Variants in ALPK3 observed in about 807,000 individuals in gnomAD.
ALPK3 encodes alpha-protein kinase 3.
A neutral mutation model predicts 140.0 loss-of-function variants in ALPK3; 102 were observed. The ratio of observed to expected loss-of-function variants is 0.73; its 90% CI spans 0.62 to 0.86. The LOEUF (loss-of-function observed/expected upper bound fraction) is 0.86. Among genes scored for constraint, ALPK3 ranks in the 40% least tolerant of loss-of-function variants. The pLI is 0.00. For synonymous variants in ALPK3, 938 were observed against 898.5 expected (o/e 1.04, Z -0.79); for missense variants, 2,254 against 2,208.2 (o/e 1.02, Z -0.42).
intron 5 of ALPK3, among the ~76,000 whole-genome samples, chr15:84,844,651 GT>G (rs1398116177): frequency 1.3e-5 from 2 of 152,188 alleles, no homozygotes; most frequent in Non-Finnish European, 2.9e-5. Context: ...GAGGTCAGGA[GT>G]TCGAGACTAG....
intron 3 of ALPK3, among the ~76,000 whole-genome samples, chr15:84,828,684 A>G (rs1963514580): frequency 6.6e-6 from 1 of 152,214 alleles, no homozygotes; most frequent in Non-Finnish European, 1.5e-5. Context: ...TGTGCATCCC[A>G]TACCTTTGTA....
Position 84,868,476 on chromosome 15 carries a change from C to T in ALPK3, c.*20C>T, listed in dbSNP as rs1276700705. ...CGGTAGCCTCCGCAGAGGCTGGGGG[C>T]CTCCACCCAGCAGCAGACCAACCAG... On this transcript the variant is annotated 3_prime_UTR_variant, in exon 14 of 14. Transcript: ENST00000258888. The T allele has an allele frequency of 6.3e-7, 1 of 1,583,802 alleles. No homozygotes were observed. The highest frequency in any genetic ancestry group is 8.5e-7 in the Non-Finnish European group (1 of 1,169,636).
At chr15:84,818,998 C>T (rs1963394246) in intron 1 of ALPK3, among the ~76,000 whole-genome samples, 2 of 152,128 alleles carry the variant, frequency 1.3e-5, no homozygotes, top group African/African-American at 2.4e-5. Context: ...GTGGAACAAA[C>T]AGAAGAGGCG....
At chr15:84,848,968 C>A (rs150636177) in intron 5 of ALPK3, among the ~76,000 whole-genome samples, 1 of 152,070 alleles carries the variant, frequency 6.6e-6, no homozygotes, top group African/African-American at 2.4e-5. Context: ...ATGGAGAAAA[C>A]CCATCTCTAC....
chr15:84,841,061 GC>G, intron 5 of ALPK3, 129 bp downstream of exon 5: 1 of 1,284,422 alleles, frequency 7.8e-7, no homozygotes, highest in Non-Finnish European at 1.0e-6. Context: ...GGACTGGAGT[GC>G]CAGCTACAGG....
rs774126835 is a variant in ALPK3, at chr15:84,839,983, C to T, written c.704C>T (p.Pro235Leu). The T allele has an allele frequency of 9.9e-6, 16 of 1,612,846 alleles. No individual in the cohort carries two copies. In the Admixed American group the frequency reaches 1.3e-4, roughly 13 times the overall value. ...RRLSGAQAPGPSVPTREPEGG... is the reference protein window; with the variant it reads ...RRLSGAQAPGLSVPTREPEGG... ...TTGAGCGGGGCTCAAGCGCCGGGCC[C>T]CTCGGTCCCTACCAGGGAGCCTGAG... is the stretch of plus-strand genomic sequence containing the variant. The change falls in exon 5 of 14, where the codon CCC becomes CTC. Residue 235 changes from proline (P) to leucine (L), a missense_variant. Pro to Leu is a moderately conservative substitution (Grantham distance 98). Around this residue, in one of 3 missense-constraint regions of ALPK3, gnomAD observed 2,088 missense variants for 2,022.9 expected, o/e 1.03. Coordinates refer to ENST00000258888, the MANE Select transcript of ALPK3 (RefSeq NM_020778.5).
At position 84,817,386 on chromosome 15, in the gene ALPK3, G is replaced by A; in HGVS notation, c.-67G>A. 1 of 1,220,306 alleles carries A rather than the reference G, an allele frequency of 8.2e-7. No individual in the cohort carries two copies. Among genetic ancestry groups the A allele is most frequent in the Non-Finnish European group, 1.0e-6 (1 of 982,188 alleles). The allele number at this position is 1,220,306 out of a possible 1,614,324, so 75.6% of individuals were successfully genotyped here. ...CGGCGGCGGCGGGCAGGGGCCCGGGGGCCGGGGCCTGGAGGACAGGCGAGG... is the reference window on the plus strand; with the variant it reads ...CGGCGGCGGCGGGCAGGGGCCCGGGAGCCGGGGCCTGGAGGACAGGCGAGG... On this transcript the variant is annotated 5_prime_UTR_variant, in exon 1 of 14. Transcript: ENST00000258888.
At chr15:84,856,338 A>G in intron 5 of ALPK3, 54 bp from the exon 6 acceptor site, 2 of 1,535,354 alleles carry the variant, frequency 1.3e-6, no homozygotes, top group East Asian at 4.5e-5. Flanking sequence ...CAGACTGGAA[A>G]GAGATCTGAA....
intron 1 of ALPK3, 86 bp from the exon 2 acceptor site, chr15:84,823,244 G>T (rs1963447219): frequency 6.7e-7 from 1 of 1,486,426 alleles, no homozygotes; most frequent in Admixed American, 1.7e-5. Flanking sequence ...CCAGATGGTG[G>T]CCGATTAATA....
chr15:84,850,761 A>C (rs1963792415), intron 5 of ALPK3, among the ~76,000 whole-genome samples: 1 of 152,012 alleles, frequency 6.6e-6, no homozygotes, highest in Admixed American at 6.6e-5. Flanking sequence ...TAAACCTCCT[A>C]ATATCCCTTG....
intron 3 of ALPK3, among the ~76,000 whole-genome samples, chr15:84,829,048 C>A (rs1963518178): frequency 6.6e-6 from 1 of 152,202 alleles, no homozygotes; most frequent in Non-Finnish European, 1.5e-5. Flanking sequence ...AATATATGCA[C>A]ATAATTAAGA....
Position 84,857,478 on chromosome 15 carries a change from C to G in ALPK3, c.2740C>G (p.Leu914Val), listed in dbSNP as rs1374593741. 6.2e-7 allele frequency: 1 copy of G among 1,607,602 alleles called. No homozygotes were observed. Among genetic ancestry groups the G allele is most frequent in the South Asian group, 1.1e-5 (1 of 90,326 alleles). ...GATGAGTTCTGCCCCAACACTGCAC[C>G]TGGGGCTGGGGACCCCCACTCAGAG... Reference protein sequence around the residue: ...VLMSSAPTLHLGLGTPTQSHP... With the variant: ...VLMSSAPTLHVGLGTPTQSHP... The change falls in exon 6 of 14, where the codon CTG (leucine) becomes GTG (valine). Residue 914 changes from leucine (L) to valine (V), a missense_variant. Leu to Val is a conservative substitution (Grantham distance 32). Coordinates refer to ENST00000258888, the MANE Select transcript of ALPK3 (RefSeq NM_020778.5).
intron 3 of ALPK3, among the ~76,000 whole-genome samples, chr15:84,830,154 C>T (rs1963530803): frequency 6.6e-6 from 1 of 151,952 alleles, no homozygotes; most frequent in South Asian, 2.1e-4. Context: ...TTTCTTATAC[C>T]TCCTAATAGC....
intron 9 of ALPK3, among the ~76,000 whole-genome samples, chr15:84,860,517 G>A (rs1040943028): frequency 3.9e-4 from 60 of 152,108 alleles, no homozygotes; most frequent in African/African-American, 1.4e-3. Flanking sequence ...TTTTCAGCAG[G>A]CCCCCTGGTG....
At chr15:84,864,364 A>G (rs556842478) in intron 11 of ALPK3, 78 bp from the exon 12 acceptor site, 12 of 1,449,718 alleles carry the variant, frequency 8.3e-6, no homozygotes, top group Middle Eastern at 3.6e-4. Context: ...TTTTAGGTCC[A>G]AGAATACAGA....
rs1010104184 is a variant in ALPK3 at position 84,871,806 on chromosome 15, C to T, written c.*3350C>T. 3 of 152,338 alleles carry T rather than the reference C, an allele frequency of 2.0e-5. No homozygotes were observed. The highest frequency in any genetic ancestry group is 2.1e-4 in the South Asian group (1 of 4,828). The allele number at this position is 152,338 out of a possible 1,614,324, so 9.4% of individuals were successfully genotyped here. A position where few individuals can be genotyped will look rare whatever the true frequency, so the allele number is the denominator to read the frequency against. On this transcript the variant is annotated 3_prime_UTR_variant, in exon 14 of 14. Transcript: ENST00000258888. Reference sequence around the variant, plus strand: ...ATGAGTGAATGCCTGCCCATCAACCCGTTACTATTCTTTTAGCTGTAAAGT... The same window carrying T: ...ATGAGTGAATGCCTGCCCATCAACCTGTTACTATTCTTTTAGCTGTAAAGT...
chr15:84,851,622 A>T (rs954978043), intron 5 of ALPK3, among the ~76,000 whole-genome samples: 6 of 152,140 alleles, frequency 3.9e-5, no homozygotes, highest in Admixed American at 3.9e-4. Context: ...ACATTTGAAA[A>T]TACGTGTGTG....
Position 84,863,566 on chromosome 15 carries a change from G to T in ALPK3, c.4425G>T (p.Gln1475His). Residue 1475 changes from glutamine (Q) to histidine (H), a missense_variant, in exon 11 of 14, where the codon CAG (glutamine) becomes CAT (histidine). By Grantham distance (24) the Gln-to-His change is conservative. Around this residue, in one of 3 missense-constraint regions of ALPK3, gnomAD observed 2,088 missense variants for 2,022.9 expected, o/e 1.03. Coordinates refer to ENST00000258888, the MANE Select transcript of ALPK3 (RefSeq NM_020778.5). ...CTCATCCACAGGGGTGCAAGATCCAGAACATGAGTCGGGAGTACTGCAAAA... is the reference window on the plus strand; with the variant it reads ...CTCATCCACAGGGGTGCAAGATCCATAACATGAGTCGGGAGTACTGCAAAA... ...YDVTIQGCKIQNMSREYCKIF... is the reference protein window; with the variant it reads ...YDVTIQGCKIHNMSREYCKIF... 6.2e-7 allele frequency: 1 copy of T among 1,614,018 alleles called. No homozygotes were observed. The highest frequency in any genetic ancestry group is 1.1e-5 in the South Asian group (1 of 91,058).
At chr15:84,849,763 A>G (rs1325983306) in intron 5 of ALPK3, among the ~76,000 whole-genome samples, 1 of 152,172 alleles carries the variant, frequency 6.6e-6, no homozygotes, top group African/African-American at 2.4e-5. Context: ...AGTGCCTTGA[A>G]GAAAATGTAT....
Sources: allele counts gnomAD v4.1 joint callset (sites outside exome capture counted in the v4.1 genomes callset), GRCh38; gene constraint gnomAD v4.1.1; regional missense constraint gnomAD v4.1.1; transcripts MANE v1.5; gene names NCBI Gene and HGNC (gene_info 2026-07-23, HGNC 2026-07-21).